The following WDR18 variants were observed in gnomAD, a reference collection of about 807,000 sequenced individuals.
WDR18 encodes the protein WD repeat-containing protein 18.
Under a neutral mutation model 49.6 loss-of-function variants are expected in WDR18, and 33 were observed. The ratio of observed to expected loss-of-function variants is 0.67; its 90% CI spans 0.50 to 0.89. The LOEUF is 0.89. Ranked by LOEUF, WDR18 falls within the 40% of genes least tolerant of loss-of-function variation. WDR18 has a pLI of 0.00. For synonymous variants in WDR18, 315 were observed against 263.6 expected (o/e 1.19, Z -1.89); for missense variants, 653 against 593.6 (o/e 1.10, Z -1.04).
At chr19:984,807 T>G (rs1424043837) in intron 1 of WDR18, among the ~76,000 whole-genome samples, 4 of 122,702 alleles carry the variant, frequency 3.3e-5, no homozygotes, top group Admixed American at 8.3e-5. Context: ...TGGGGGAAAA[T>G]GGGAGACGCT....
chr19:989,954 A>T, intron 3 of WDR18, 59 bp downstream of exon 3: 1 of 1,537,570 alleles, frequency 6.5e-7, no homozygotes, highest in Non-Finnish European at 8.7e-7. Flanking sequence ...AGGCGGGGAG[A>T]GGAGGCGCCA....
At position 994,392 on chromosome 19, in the gene WDR18, C is replaced by T. The variant is rs1366568986; in HGVS notation, c.*48C>T. On this transcript the variant is annotated 3_prime_UTR_variant, in exon 10 of 10. Coordinates refer to ENST00000585809, the MANE Select transcript of WDR18 (RefSeq NM_024100.4). ...GCGCCCAGGCCTGAGCCCCATGCCTCCCAGCAACCAGGGCCCGCGGGTGTG... is the reference window on the plus strand; with the variant it reads ...GCGCCCAGGCCTGAGCCCCATGCCTTCCAGCAACCAGGGCCCGCGGGTGTG... 1.3e-5 allele frequency: 20 copies of T among 1,566,258 alleles called. No homozygotes were observed. Among genetic ancestry groups the T allele is most frequent in the Non-Finnish European group, 1.7e-5 (20 of 1,158,676 alleles).
At chr19:987,829 G>GTTTTTTTTTTGTTT (rs2038490802) in intron 2 of WDR18, among the ~76,000 whole-genome samples, 6 of 91,804 alleles carry the variant, frequency 6.5e-5, no homozygotes, top group African/African-American at 3.2e-4. Context: ...GCCGCCTCCA[G>GTTTTTTTTTTGTTT]TTTTTTTTTT....
intron 2 of WDR18, among the ~76,000 whole-genome samples, chr19:986,892 C>G (rs929900549): frequency 1.3e-5 from 2 of 152,204 alleles, no homozygotes; most frequent in African/African-American, 4.8e-5. Context: ...CTGCCCTCAA[C>G]CCCACATAGA....
intron 2 of WDR18, 100 bp downstream of exon 2, chr19:986,075 G>A: frequency 8.8e-7 from 1 of 1,131,452 alleles, no homozygotes; most frequent in Non-Finnish European, 1.3e-6. Flanking sequence ...CTGGGGCCCT[G>A]GGATGGGTGA....
intron 7 of WDR18, 30 bp downstream of exon 7, chr19:991,381 A>G (rs2038546058): frequency 7.0e-7 from 1 of 1,422,234 alleles, no homozygotes; most frequent in Non-Finnish European, 9.3e-7. Flanking sequence ...GCCCGCGGCC[A>G]GCGCGCAGGG....
chr19:991,831 GTGGACTGGCTGT>G (rs2038558382), intron 7 of WDR18, 112 bp from the exon 8 acceptor site: 1 of 1,077,564 alleles, frequency 9.3e-7, no homozygotes, highest in African/African-American at 2.1e-5. Context: ...GGCTGGGGGC[GTGGACTGGCTGT>G]GGGGCGGGGA....
chr19:990,887 C>T lies in WDR18; in HGVS notation c.633C>T (p.Ser211=), dbSNP rs747206411. ...TCTCCTCGGGGGAGCTGCTGCTCTC[C>T]GTCCTCTTTGACGTGTCCATCATGG... ...WEVSSGELLL[S]VLFDVSIMAV... is the part of the protein sequence containing the mutation. The change falls in exon 5 of 10, where the codon TCC becomes TCT. Residue 211 remains serine (S), a synonymous_variant. Coordinates refer to ENST00000585809, the MANE Select transcript of WDR18 (RefSeq NM_024100.4). 82 of 1,612,216 alleles carry T rather than the reference C, an allele frequency of 5.1e-5. No individual in the cohort carries two copies. Among genetic ancestry groups the T allele is most frequent in the African/African-American group, 1.7e-4 (13 of 74,944 alleles).
intron 7 of WDR18, among the ~76,000 whole-genome samples, chr19:991,564 C>T (rs1216847455): frequency 8.9e-5 from 2 of 22,500 alleles, no homozygotes; most frequent in Non-Finnish European, 8.2e-5. Flanking sequence ...CTGGCTGGGA[C>T]GGGGCGGGGC....
intron 8 of WDR18, among the ~76,000 whole-genome samples, chr19:993,591 C>T (rs2038589251): frequency 6.6e-6 from 1 of 152,236 alleles, no homozygotes; most frequent in Non-Finnish European, 1.5e-5. Context: ...GTAACTGGTT[C>T]CTCTGTACAG....
chr19:983,673 A>G (rs2038442057), upstream of WDR18, among the ~76,000 whole-genome samples: 1 of 151,776 alleles, frequency 6.6e-6, no homozygotes, highest in South Asian at 2.1e-4. Context: ...GACCTACACC[A>G]AGCTATCCGA....
At chr19:992,186 TC>T in intron 8 of WDR18, 65 bp downstream of exon 8, 6 of 1,385,952 alleles carry the variant, frequency 4.3e-6, no homozygotes, top group Non-Finnish European at 5.6e-6. Context: ...GGCCCTGGGC[TC>T]CTTCGCTCCC....
Position 989,795 on chromosome 19 carries a change from C to T in WDR18, c.355C>T (p.Arg119Ter), listed in dbSNP as rs774318099. Residue 119 changes from arginine (R) to a stop codon, truncating the protein, a stop_gained, in exon 3 of 10, where the codon CGA (arginine) becomes TGA (stop). Transcript: ENST00000585809. LOFTEE classifies it high-confidence loss of function. ...CGGGAACCTTCTGGTCATCCTGAGT[C>T]GACACTACCAGGACGTCTCCTGCCT... ...STGNLLVILS[R>*]HYQDVSCLQF... 5 of 1,612,768 alleles carry T rather than the reference C, an allele frequency of 3.1e-6. No individual in the cohort carries two copies. The highest frequency in any genetic ancestry group is 4.2e-6 in the Non-Finnish European group (5 of 1,179,910).
Position 990,357 on chromosome 19 carries a change from C to A in WDR18, c.590C>A (p.Thr197Lys). ...GTGGCCACCTCCTCACTGGACCAGA[C>A]GGTGAAGGTACGCCGCCCCCACCCC... ...ARVATSSLDQ[T>K]VKLWEVSSGE... Residue 197 changes from threonine (T) to lysine (K), a missense_variant, in exon 4 of 10, where the codon ACG (threonine) becomes AAG (lysine). Physicochemically the swap from Thr to Lys is moderately conservative, Grantham distance 78. Transcript: ENST00000585809. The A allele has an allele frequency of 5.1e-6, 8 of 1,568,052 alleles. No individual in the cohort carries two copies. The highest frequency in any genetic ancestry group is 6.9e-6 in the Non-Finnish European group (8 of 1,164,692).
At chr19:984,275 C>G, upstream of WDR18, 5 of 1,356,106 alleles carry the variant, frequency 3.7e-6, no homozygotes, top group East Asian at 3.2e-5. Flanking sequence ...GGCCGCGGGG[C>G]CGCCGCTCTG....
At chr19:984,999 G>A (rs1002808305) in intron 1 of WDR18, among the ~76,000 whole-genome samples, 3 of 152,156 alleles carry the variant, frequency 2.0e-5, no homozygotes, top group African/African-American at 7.2e-5. Flanking sequence ...CTCCAATAAA[G>A]CAACAGATAC....
chr19:989,490 G>A (rs2038516438), intron 2 of WDR18, among the ~76,000 whole-genome samples: 1 of 152,184 alleles, frequency 6.6e-6, no homozygotes, highest in African/African-American at 2.4e-5. Context: ...AGGCAGCAGG[G>A]AAGGGCAGGA....
chr19:989,340 G>A (rs998290483), intron 2 of WDR18, among the ~76,000 whole-genome samples: 1 of 152,034 alleles, frequency 6.6e-6, no homozygotes, highest in African/African-American at 2.4e-5. Context: ...CCACCACCCT[G>A]GGTCAGGCCA....
rs1382867741 is a variant in WDR18 at position 994,022 on chromosome 19, C to T, written c.1101C>T (p.Gly367=). Residue 367 remains glycine, a splice_region_variant and synonymous_variant, in exon 9 of 10, where the codon GGC becomes GGT. Transcript: ENST00000585809. ...TCACGTGGCTCCCTGTGTTACAGGG[C>T]TCGGAGCCCAGCTACCTGGACCGCA... ...LTLRLGLHQQ[G]SEPSYLDRTE... The T allele has an allele frequency of 2.6e-6, 4 of 1,554,024 alleles. No individual in the cohort carries two copies. The highest frequency in any genetic ancestry group is 3.5e-6 in the Non-Finnish European group (4 of 1,149,578).
Sources: gnomAD v4.1 joint callset for allele counts (sites outside exome capture counted in the v4.1 genomes callset) on GRCh38, gnomAD v4.1.1 for gene constraint, MANE v1.5 for transcripts, NCBI Gene and HGNC (gene_info 2026-07-23, HGNC 2026-07-21) for gene names.